ROS1: variants seen among roughly 807,000 people sequenced by gnomAD.
ROS1 encodes proto-oncogene tyrosine-protein kinase ROS.
Under a neutral mutation model 273.5 loss-of-function variants are expected in ROS1, and 263 were observed. The observed-to-expected ratio is 0.96, with a 90% CI of 0.87 to 1.06. The LOEUF is 1.06. ROS1 is among the 50% of genes least tolerant of loss of function. The pLI is 0.00. For synonymous variants in ROS1, 1,008 were observed against 954.1 expected (o/e 1.06, Z -1.04); for missense variants, 2,833 against 2,751.1 (o/e 1.03, Z -0.67).
intron 41 of ROS1, among the ~76,000 whole-genome samples, chr6:117,309,604 A>C (rs1164373983): frequency 1.3e-5 from 2 of 152,156 alleles, no homozygotes; most frequent in Non-Finnish European, 2.9e-5. Flanking sequence ...TGTTCTATTC[A>C]AAAGTTGGAG....
chr6:117,331,326 G>A (rs1346630454), intron 32 of ROS1, among the ~76,000 whole-genome samples: 1 of 152,162 alleles, frequency 6.6e-6, no homozygotes, highest in Non-Finnish European at 1.5e-5. Context: ...AAGCCTCCAA[G>A]AAATATGAGA....
chr6:117,391,963 C>T (rs1582829278), intron 12 of ROS1, among the ~76,000 whole-genome samples: 2 of 152,102 alleles, frequency 1.3e-5, no homozygotes, highest in Admixed American at 6.6e-5. Context: ...TTTCTAGTCA[C>T]ATTGCAAAAT....
chr6:117,300,910 C>T (rs2128536341), intron 43 of ROS1, 64 bp downstream of exon 43: 8 of 1,304,840 alleles, frequency 6.1e-6, no homozygotes, highest in South Asian at 3.7e-5. Flanking sequence ...GTGTACATTC[C>T]ATTTTAACTT....
At chr6:117,321,829 ATTT>A (rs11451804) in intron 35 of ROS1, among the ~76,000 whole-genome samples, 3 of 123,024 alleles carry the variant, frequency 2.4e-5, no homozygotes, top group East Asian at 2.4e-4. Flanking sequence ...TATAATGGCA[ATTT>A]TTTTTTTTTT....
rs371717351 is a variant in ROS1 at position 117,394,148 on chromosome 6, C to A, written c.1191+14G>T. The A allele has an allele frequency of 6.5e-7, 1 of 1,545,628 alleles. No individual in the cohort carries two copies. The highest frequency in any genetic ancestry group is 1.2e-5 in the South Asian group (1 of 82,386). ...ACTGTCTATCACTATTCCTCTTTAA[C>A]TTCTCGGACTAACCAGTTCATCCAT... On this transcript the variant is annotated intron_variant, in intron 11 of 43. Coordinates refer to ENST00000368507, the MANE Select transcript of ROS1 (RefSeq NM_001378902.1).
Position 117,310,255 on chromosome 6 carries a change from A to G in ROS1, c.6242T>C (p.Val2081Ala), listed in dbSNP as rs779674711. The G allele has an allele frequency of 1.9e-6, 3 of 1,610,176 alleles. No individual in the cohort carries two copies. In the South Asian group the frequency reaches 3.3e-5, roughly 18 times the overall value. The stretch of plus-strand genomic sequence containing the variant: ...TGGACTGGTATAGTCTTTCACGGAA[A>G]CAAGGCAATTTCTAGCTGCCAGATC... ...HRDLAARNCLVSVKDYTSPRI... is the reference protein window; with the variant it reads ...HRDLAARNCLASVKDYTSPRI... Residue 2081 changes from valine to alanine, a missense_variant, in exon 41 of 44, where the codon GTT (valine) becomes GCT (alanine). Transcript: ENST00000368507.
Position 117,363,074 on chromosome 6 carries a change from T to C in ROS1, c.3104-209A>G, listed in dbSNP as rs182400008. Among the ~76,000 whole-genome samples, 26 of 152,312 alleles carry C rather than the reference T, an allele frequency of 1.7e-4. No individual in the cohort carries two copies. In the East Asian group the frequency reaches 3.9e-3, roughly 23 times the overall value. On this transcript the variant is annotated intron_variant, in intron 21 of 43. Coordinates refer to ENST00000368507, the MANE Select transcript of ROS1 (RefSeq NM_001378902.1). ...CCCATCCTGATAATTTCAGCACATC[T>C]GACTGACAGGCAAGACTTCCTTATG...
intron 10 of ROS1, 101 bp downstream of exon 10, chr6:117,394,515 A>C: frequency 1.0e-6 from 1 of 1,001,870 alleles, no homozygotes; most frequent in Non-Finnish European, 1.4e-6. Context: ...TATTAAGAGA[A>C]TATGTTCCAG....
At chr6:117,351,785 G>A (rs946696569) in intron 27 of ROS1, among the ~76,000 whole-genome samples, 2 of 152,040 alleles carry the variant, frequency 1.3e-5, no homozygotes, top group Admixed American at 6.6e-5. Flanking sequence ...TTTTTGGGTG[G>A]AGTGGCAATT....
At chr6:117,334,318 A>G (rs976463206) in intron 32 of ROS1, among the ~76,000 whole-genome samples, 2 of 152,198 alleles carry the variant, frequency 1.3e-5, no homozygotes, top group Admixed American at 6.5e-5. Flanking sequence ...AAGGAAAACT[A>G]CAAACCATTG....
Position 117,324,310 on chromosome 6 carries a change from T to C in ROS1, c.5623+22A>G, listed in dbSNP as rs750939482. The C allele has an allele frequency of 1.5e-5, 18 of 1,177,018 alleles. No homozygotes were observed. In the South Asian group the frequency reaches 2.4e-4, roughly 15 times the overall value. 72.9% of individuals were successfully genotyped at this position (1,177,018 alleles called of 1,614,324 possible). On this transcript the variant is annotated intron_variant, in intron 35 of 43. Coordinates refer to ENST00000368507, the MANE Select transcript of ROS1 (RefSeq NM_001378902.1). ...TTAAGTAAACAGTTTGTTGCCTATT[T>C]TAAAAATTCTATTATACTTACCAAA...
chr6:117,364,118 T>A (rs1780018744), intron 21 of ROS1, among the ~76,000 whole-genome samples: 1 of 152,096 alleles, frequency 6.6e-6, no homozygotes, highest in Non-Finnish European at 1.5e-5. Context: ...CAAGCTGATA[T>A]CCCAAGGAAA....
At chr6:117,414,646 C>T (rs1426762760) in intron 3 of ROS1, 101 bp from the exon 4 acceptor site, 1 of 590,078 alleles carries the variant, frequency 1.7e-6, no homozygotes, top group Admixed American at 3.6e-5. Context: ...TATTGCCCCA[C>T]CATTGATAAA....
In ROS1 at chr6:117,416,268, GCA is replaced by G; in HGVS notation, c.216_217del (p.Ala73PhefsTer4). The G allele has an allele frequency of 6.3e-7, 1 of 1,584,274 alleles. No individual in the cohort carries two copies. Among genetic ancestry groups the G allele is most frequent in the Admixed American group, 1.7e-5 (1 of 59,890 alleles). Reference sequence around the variant, plus strand: ...CTAATTAATACTTACACACTTTAAAGCACAGTTTTTCTGATCTACAGAGTTCC... The same window carrying G: ...CTAATTAATACTTACACACTTTAAAGCAGTTTTTCTGATCTACAGAGTTCC... On this transcript the variant is annotated frameshift_variant, in exon 3 of 44. Coordinates refer to ENST00000368507, the MANE Select transcript of ROS1 (RefSeq NM_001378902.1). LOFTEE classifies it high-confidence loss of function.
In ROS1 at chr6:117,387,982, G is replaced by T. The variant is rs148442289; in HGVS notation, c.1797C>A (p.Ala599=). 6.8e-4 allele frequency: 1,094 copies of T among 1,614,164 alleles called. 8 individuals carry two copies. In the African/African-American group the frequency reaches 0.013, roughly 19 times the overall value. The change falls in exon 14 of 44, where the codon GCC becomes GCA. Residue 599 remains alanine, a synonymous_variant. Coordinates refer to ENST00000368507, the MANE Select transcript of ROS1 (RefSeq NM_001378902.1). ...PALAIGASPS[A]WQNWTYEVKV... is the part of the protein sequence containing the mutation. ...TCACCTCATAGGTCCAGTTCTGCCA[G>T]GCAGAAGGGCCTAATTCAAAGAGTT...
chr6:117,362,770 G>A lies in ROS1; in HGVS notation c.3199C>T (p.Pro1067Ser). The A allele has an allele frequency of 6.2e-7, 1 of 1,613,640 alleles. No homozygotes were observed. ...GTTAACACCCCATTTTCATGCTTAG[G>A]TTTGTTCCACCTAAATTCCACCACA... ...EVVVEFRWNK[P>S]KHENGVLTKF... The change falls in exon 22 of 44, where the codon CCT (proline) becomes TCT (serine). Residue 1067 changes from proline (P) to serine (S), a missense_variant. By Grantham distance (74) the Pro-to-Ser change is moderately conservative. Transcript: ENST00000368507.
intron 26 of ROS1, 151 bp downstream of exon 26, chr6:117,356,478 C>A: frequency 3.0e-6 from 2 of 672,826 alleles, no homozygotes; most frequent in African/African-American, 1.8e-5. Context: ...CTGGAAACAA[C>A]TTGATTTGAA....
chr6:117,325,960 C>T (rs1776595129), intron 34 of ROS1, among the ~76,000 whole-genome samples: 1 of 151,152 alleles, frequency 6.6e-6, no homozygotes, highest in African/African-American at 2.4e-5. Flanking sequence ...TAATTAGGAG[C>T]ATGGAATTGA....
intron 26 of ROS1, among the ~76,000 whole-genome samples, chr6:117,354,022 G>C (rs1278955424): frequency 6.6e-6 from 1 of 152,122 alleles, no homozygotes; most frequent in Non-Finnish European, 1.5e-5. Flanking sequence ...ACATTGCCTG[G>C]GGAGCAATTG....
Sources: gnomAD v4.1 joint callset for allele counts (sites outside exome capture counted in the v4.1 genomes callset) on GRCh38, gnomAD v4.1.1 for gene constraint, MANE v1.5 for transcripts, NCBI Gene and HGNC (gene_info 2026-07-23, HGNC 2026-07-21) for gene names.